ABLIM2: variants seen among roughly 807,000 people sequenced by gnomAD.
The protein encoded by ABLIM2 is actin binding LIM protein family member 2, also known as actin-binding LIM protein 2.
A neutral mutation model predicts 97.7 loss-of-function variants in ABLIM2; 53 were observed. The ratio of observed to expected loss-of-function variants is 0.54; its 90% confidence interval spans 0.44 to 0.68. ABLIM2 has a LOEUF of 0.68. ABLIM2 is among the 30% of genes least tolerant of loss of function. The pLI, the probability that ABLIM2 is intolerant of heterozygous loss-of-function variation, is 0.00. For synonymous variants in ABLIM2, 361 were observed against 345.8 expected, an observed-to-expected ratio of 1.04 and a Z score of -0.49; for missense variants, 835 against 867.2, an observed-to-expected ratio of 0.96 and a Z score of 0.47.
chr4:7,973,705 T>C (rs1006489875), intron 20 of ABLIM2, among the ~76,000 whole-genome samples: 1 of 152,136 alleles, frequency 6.6e-6, no homozygotes, highest in Non-Finnish European at 1.5e-5. Flanking sequence ...AGCCCTGCCC[T>C]GCCAAGCAAG....
At position 7,983,311 on chromosome 4, in the gene ABLIM2, G is replaced by T. The variant is rs1205541336; in HGVS notation, c.1777C>A (p.Arg593=). ...YPYDSLIVTN[R]IRVKLPKDVD... ...TCTTTGGGCAGTTTCACGCGAATTC[G>T]GTTTGTGACGATGAGGGAGTCATAC... The change falls in exon 20 of 21, where the codon CGA becomes AGA. Residue 593 remains arginine (R), a synonymous_variant. Coordinates refer to ENST00000447017, the MANE Select transcript of ABLIM2 (RefSeq NM_001130083.2). The T allele has an allele frequency of 3.1e-6, 5 of 1,612,576 alleles. No homozygotes were observed. Among genetic ancestry groups the T allele is most frequent in the Non-Finnish European group, 4.2e-6 (5 of 1,179,544 alleles).
In ABLIM2 at chr4:7,970,665, T is replaced by C. The variant is rs887551673; in HGVS notation, c.1825-3562A>G. On this transcript the variant is annotated intron_variant, in intron 20 of 20. Transcript: ENST00000447017. This position sits in a 1 kb window ranked among gnomAD's most constrained non-coding sequence, Gnocchi z 5.3. Reference sequence around the variant, plus strand: ...GGGAGGTGGGTGTGGGAAGCAGAGGTGCCCTTGGGGATGACTGTGGGGGGG... The same window carrying C: ...GGGAGGTGGGTGTGGGAAGCAGAGGCGCCCTTGGGGATGACTGTGGGGGGG... Among the ~76,000 whole-genome samples the C allele has an allele frequency of 6.7e-6, 1 of 149,760 alleles. No individual in the cohort carries two copies. Among genetic ancestry groups the C allele is most frequent in the East Asian group, 2.0e-4 (1 of 5,004 alleles).
Position 8,091,848 on chromosome 4 carries a change from T to A in ABLIM2, c.339-3564A>T, listed in dbSNP as rs1365861336. ...ATTATATAAATAATATAATATATTA[T>A]TTATACAATATATTATATATACAAT... On this transcript the variant is annotated intron_variant, in intron 3 of 20. Transcript: ENST00000447017. 2.2e-4 allele frequency among the ~76,000 whole-genome samples: 24 copies of A among 109,070 alleles called. No individual in the cohort carries two copies. The East Asian group carries it at 4.6e-3, about 21-fold the overall frequency. The allele number at this position is 109,070 out of a possible 152,430, so 71.6% of individuals were successfully genotyped here.
chr4:8,014,022 G>T (rs894780815), intron 14 of ABLIM2, among the ~76,000 whole-genome samples: 1 of 152,220 alleles, frequency 6.6e-6, no homozygotes, highest in African/African-American at 2.4e-5. Flanking sequence ...AGGTGTGGGG[G>T]CTGTTCCACC....
chr4:8,128,100 T>A lies in ABLIM2; in HGVS notation c.11-21463A>T, dbSNP rs1848719205. On this transcript the variant is annotated intron_variant, in intron 1 of 20. Coordinates refer to ENST00000447017, the MANE Select transcript of ABLIM2 (RefSeq NM_001130083.2). This position sits in a 1 kb window ranked among gnomAD's most constrained non-coding sequence, Gnocchi z 4.9. ...GGTATAGGGAGCTCAGGCTGCCTCT[T>A]CCCGCTGCTGGTGGCTCCAGGCGCC... Among the ~76,000 whole-genome samples the A allele has an allele frequency of 6.6e-6, 1 of 152,196 alleles. No homozygotes were observed. The highest frequency in any genetic ancestry group is 2.4e-5 in the African/African-American group (1 of 41,452).
chr4:8,080,918 A>C (rs1577336956), intron 4 of ABLIM2, 116 bp from the exon 5 acceptor site: 1 of 1,323,394 alleles, frequency 7.6e-7, no homozygotes, highest in Non-Finnish European at 1.0e-6. Context: ...GGCGGGACAG[A>C]CCAGCAGCCA....
rs1749904370 is a variant in ABLIM2 at position 7,992,763 on chromosome 4, C to T, written c.1680+103G>A. The T allele has an allele frequency of 4.4e-6, 6 of 1,351,646 alleles. No individual in the cohort carries two copies. Among genetic ancestry groups the T allele is most frequent in the Non-Finnish European group, 6.2e-6 (6 of 967,884 alleles). 83.7% of individuals were successfully genotyped at this position (1,351,646 alleles called of 1,614,324 possible). ...CAGAGGCAGGTGGGCCGCGGGGTCC[C>T]CGGGGCCTCTCCTCCTGCTGTGTGG... On this transcript the variant is annotated intron_variant, in intron 17 of 20. Coordinates refer to ENST00000447017, the MANE Select transcript of ABLIM2 (RefSeq NM_001130083.2). The surrounding 1 kb of genome is among the most constrained non-coding windows in gnomAD (Gnocchi z 5.7).
chr4:8,010,651 G>C (rs896010715), intron 14 of ABLIM2: 4 of 920,306 alleles, frequency 4.3e-6, no homozygotes, highest in South Asian at 5.0e-5. Flanking sequence ...TCTTCCAGGA[G>C]AGACAGTGAT....
chr4:8,094,671 C>T (rs886331111), intron 3 of ABLIM2, among the ~76,000 whole-genome samples: 1 of 152,180 alleles, frequency 6.6e-6, no homozygotes, highest in African/African-American at 2.4e-5. Context: ...GCTGTCTGCC[C>T]GTGTATTTCA....
Position 8,058,349 on chromosome 4 carries a change from C to T in ABLIM2, c.763+2618G>A, listed in dbSNP as rs1005131330. ...GAGGCTGTCCTGTCTGACATCACCCCGCTGGGTTCGGCCTGAGAAAGGCAG... is the reference window on the plus strand; with the variant it reads ...GAGGCTGTCCTGTCTGACATCACCCTGCTGGGTTCGGCCTGAGAAAGGCAG... On this transcript the variant is annotated intron_variant, in intron 7 of 20. Coordinates refer to ENST00000447017, the MANE Select transcript of ABLIM2 (RefSeq NM_001130083.2). This position sits in a 1 kb window ranked among gnomAD's most constrained non-coding sequence, Gnocchi z 4.2. 7.2e-5 allele frequency among the ~76,000 whole-genome samples: 11 copies of T among 152,214 alleles called. No homozygotes were observed. Among genetic ancestry groups the T allele is most frequent in the African/African-American group, 1.7e-4 (7 of 41,464 alleles).
rs577226155 is a variant in ABLIM2 at position 8,071,006 on chromosome 4, C to T, written c.675+6622G>A. On this transcript the variant is annotated intron_variant, in intron 6 of 20. Coordinates refer to ENST00000447017, the MANE Select transcript of ABLIM2 (RefSeq NM_001130083.2). The surrounding 1 kb of genome is among the most constrained non-coding windows in gnomAD (Gnocchi z 6.2). Reference sequence around the variant, plus strand: ...ACCTCTTCAGGAGGTGTTGACAGGGCGAGGGAGGGATGGGGTTCCTGGAAG... The same window carrying T: ...ACCTCTTCAGGAGGTGTTGACAGGGTGAGGGAGGGATGGGGTTCCTGGAAG... Among the ~76,000 whole-genome samples the T allele has an allele frequency of 1.8e-3, 268 of 152,146 alleles. No individual in the cohort carries two copies. The highest frequency in any genetic ancestry group is 6.2e-3 in the African/African-American group (257 of 41,498).
At chr4:8,126,823 TGA>T (rs914726215) in intron 1 of ABLIM2, among the ~76,000 whole-genome samples, 2 of 151,980 alleles carry the variant, frequency 1.3e-5, no homozygotes, top group African/African-American at 4.8e-5. Flanking sequence ...CCCAGCACTT[TGA>T]GAGGCTGAGA....
rs1254117277 is a variant in ABLIM2 at position 8,150,388 on chromosome 4, T to C, written c.10+8292A>G. On this transcript the variant is annotated intron_variant, in intron 1 of 20. Coordinates refer to ENST00000447017, the MANE Select transcript of ABLIM2 (RefSeq NM_001130083.2). This position sits in a 1 kb window ranked among gnomAD's most constrained non-coding sequence, Gnocchi z 6.3. Reference sequence around the variant, plus strand: ...GGTGTTCACGAAATGCCTCCTCTCATTCTACCTGAGTGGCTTTCAGGGGAG... The same window carrying C: ...GGTGTTCACGAAATGCCTCCTCTCACTCTACCTGAGTGGCTTTCAGGGGAG... Among the ~76,000 whole-genome samples the C allele has an allele frequency of 6.6e-6, 1 of 152,180 alleles. No individual in the cohort carries two copies. Among genetic ancestry groups the C allele is most frequent in the East Asian group, 1.9e-4 (1 of 5,194 alleles).
intron 6 of ABLIM2, among the ~76,000 whole-genome samples, chr4:8,065,216 C>T (rs1219273912): frequency 6.6e-6 from 1 of 152,166 alleles, no homozygotes; most frequent in Non-Finnish European, 1.5e-5. Context: ...CATGCCACTG[C>T]ACTCCAGCCT....
rs1801187717 is a variant in ABLIM2 at position 8,059,000 on chromosome 4, G to C, written c.763+1967C>G. ...CTGCTCATTGGCTGCAACCCCCACT[G>C]TCTGCCATATTCAAAATCTCACCCC... On this transcript the variant is annotated intron_variant, in intron 7 of 20. Coordinates refer to ENST00000447017, the MANE Select transcript of ABLIM2 (RefSeq NM_001130083.2). The surrounding 1 kb of genome is among the most constrained non-coding windows in gnomAD (Gnocchi z 4.2). Among the ~76,000 whole-genome samples the C allele has an allele frequency of 6.6e-6, 1 of 152,108 alleles. No individual in the cohort carries two copies. The highest frequency in any genetic ancestry group is 2.1e-4 in the South Asian group (1 of 4,818).
intron 20 of ABLIM2, among the ~76,000 whole-genome samples, chr4:7,977,293 C>T (rs192298596): frequency 7.9e-5 from 12 of 152,188 alleles, no homozygotes; most frequent in Admixed American, 3.3e-4. Context: ...GCAAATTAAA[C>T]CTCTTCCTTT....
At chr4:8,063,665 C>A (rs1261674726) in intron 6 of ABLIM2, among the ~76,000 whole-genome samples, 1 of 152,238 alleles carries the variant, frequency 6.6e-6, no homozygotes, top group Non-Finnish European at 1.5e-5. Flanking sequence ...GCCTGGCTGT[C>A]CGCAAGTCCT....
chr4:8,090,118 T>TC (rs1318117659), intron 3 of ABLIM2, among the ~76,000 whole-genome samples: 15 of 151,880 alleles, frequency 9.9e-5, no homozygotes, highest in South Asian at 2.1e-4. Flanking sequence ...CCCAGGGCCC[T>TC]CCCCTCCCAT....
Position 8,043,868 on chromosome 4 carries a change from C to G in ABLIM2, c.900+1296G>C, listed in dbSNP as rs1790359464. ...TGGACCGAAGGTGCCTGGGGGTCTC[C>G]GTGGATTACTGAGGGGCTCCCAGAG... On this transcript the variant is annotated intron_variant, in intron 9 of 20. Coordinates refer to ENST00000447017, the MANE Select transcript of ABLIM2 (RefSeq NM_001130083.2). The surrounding 1 kb of genome is among the most constrained non-coding windows in gnomAD (Gnocchi z 4.8). 6.6e-6 allele frequency among the ~76,000 whole-genome samples: 1 copy of G among 152,308 alleles called. No individual in the cohort carries two copies. Among genetic ancestry groups the G allele is most frequent in the Non-Finnish European group, 1.5e-5 (1 of 68,018 alleles).
Sources: gnomAD v4.1 joint callset for allele counts (sites outside exome capture counted in the v4.1 genomes callset) on GRCh38, gnomAD v4.1.1 for gene constraint, Gnocchi (gnomAD v3.1) non-coding constraint, MANE v1.5 for transcripts, NCBI Gene and HGNC (gene_info 2026-07-23, HGNC 2026-07-21) for gene names.